The following RFXAP variants were observed in gnomAD, a reference collection of about 807,000 sequenced individuals.
RFXAP encodes regulatory factor X associated protein, also known as regulatory factor X-associated protein.
RFXAP carries 21 observed loss-of-function variants against 25.7 expected under a neutral mutation model. The ratio of observed to expected loss-of-function variants is 0.82; its 90% CI spans 0.58 to 1.18. The LOEUF is 1.18. Among genes scored for constraint, RFXAP ranks in the 50% most tolerant of loss-of-function variants. The pLI, the probability that RFXAP is intolerant of heterozygous loss-of-function variation, is 0.00. For missense variants in RFXAP, 333 were observed against 363.0 expected (o/e 0.92, Z 0.67); for synonymous variants, 161 against 152.2 (o/e 1.06, Z -0.43).
Position 36,828,018 on chromosome 13 carries a change from C to T in RFXAP, c.*265C>T. ...TTTAAAAAATATATTCCTCTTCAGTCATTGTTACTGAAGGTAATGAAGCAG... is the reference window on the plus strand; with the variant it reads ...TTTAAAAAATATATTCCTCTTCAGTTATTGTTACTGAAGGTAATGAAGCAG... On this transcript the variant is annotated 3_prime_UTR_variant, in exon 3 of 3. Coordinates refer to ENST00000255476, the MANE Select transcript of RFXAP (RefSeq NM_000538.4). 1 of 389,142 alleles carries T rather than the reference C, an allele frequency of 2.6e-6. No homozygotes were observed. Among genetic ancestry groups the T allele is most frequent in the Non-Finnish European group, 4.7e-6 (1 of 214,378 alleles). 24.1% of individuals were successfully genotyped at this position (389,142 alleles called of 1,614,324 possible). A position where few individuals can be genotyped will look rare whatever the true frequency, so the allele number is the denominator to read the frequency against.
Position 36,828,874 on chromosome 13 carries a change from C to A in RFXAP, c.*1121C>A, listed in dbSNP as rs2057986714. The A allele has an allele frequency of 6.6e-6, 1 of 152,082 alleles. No homozygotes were observed. Among genetic ancestry groups the A allele is most frequent in the Admixed American group, 6.6e-5 (1 of 15,260 alleles). 9.4% of individuals were successfully genotyped at this position (152,082 alleles called of 1,614,324 possible). ...CAAATTAAATGTCAAGAGAGTATATCCAATATTAGGATATAAATGTATGTG... is the reference window on the plus strand; with the variant it reads ...CAAATTAAATGTCAAGAGAGTATATACAATATTAGGATATAAATGTATGTG... On this transcript the variant is annotated 3_prime_UTR_variant, in exon 3 of 3. Coordinates refer to ENST00000255476, the MANE Select transcript of RFXAP (RefSeq NM_000538.4).
intron 2 of RFXAP, among the ~76,000 whole-genome samples, chr13:36,826,966 G>A (rs1055414169): frequency 1.4e-4 from 21 of 152,094 alleles, no homozygotes; most frequent in Non-Finnish European, 2.8e-4. Flanking sequence ...ACTCCAGCGT[G>A]GGGAACAGAG....
chr13:36,825,569 G>A (rs759369374), intron 2 of RFXAP, 34 bp downstream of exon 2: 13 of 1,439,536 alleles, frequency 9.0e-6, no homozygotes, highest in Middle Eastern at 1.8e-4. Flanking sequence ...TTATAAATGT[G>A]TTAACAAACG....
intron 1 of RFXAP, among the ~76,000 whole-genome samples, chr13:36,822,356 C>T (rs183722784): frequency 1.2e-4 from 18 of 152,142 alleles, no homozygotes; most frequent in Admixed American, 5.9e-4. Flanking sequence ...GCTGGGATTA[C>T]GGGTGAGACC....
chr13:36,827,090 C>T (rs185815289), intron 2 of RFXAP, among the ~76,000 whole-genome samples: 9 of 152,120 alleles, frequency 5.9e-5, no homozygotes, highest in Admixed American at 3.9e-4. Flanking sequence ...TGTTTTAGAG[C>T]AGTTATATTT....
At position 36,825,427 on chromosome 13, in the gene RFXAP, G is replaced by A; in HGVS notation, c.601-1G>A. 1 of 1,606,752 alleles carries A rather than the reference G, an allele frequency of 6.2e-7. No individual in the cohort carries two copies. The highest frequency in any genetic ancestry group is 8.5e-7 in the Non-Finnish European group (1 of 1,174,326). On this transcript the variant is annotated splice_acceptor_variant, in intron 1 of 2. Coordinates refer to ENST00000255476, the MANE Select transcript of RFXAP (RefSeq NM_000538.4). LOFTEE classifies it high-confidence loss of function. ...ATTTGCATTTTTATCATTTATCCCA[G>A]GAAAGTGCAGATAACATACTCTCCA...
At chr13:36,824,182 G>A (rs1416374636) in intron 1 of RFXAP, among the ~76,000 whole-genome samples, 1 of 152,106 alleles carries the variant, frequency 6.6e-6, no homozygotes, top group African/African-American at 2.4e-5. Flanking sequence ...TTTCCATAGT[G>A]GGGTTGTGAG....
intron 1 of RFXAP, among the ~76,000 whole-genome samples, chr13:36,823,060 T>C (rs1346951713): frequency 2.0e-5 from 3 of 152,158 alleles, no homozygotes; most frequent in Non-Finnish European, 2.9e-5. Context: ...AAGCACTGTG[T>C]TAAGCTATAA....
At chr13:36,820,337 CTCTAT>C (rs2057957911) in intron 1 of RFXAP, among the ~76,000 whole-genome samples, 2 of 152,204 alleles carry the variant, frequency 1.3e-5, no homozygotes. Context: ...GTTTTCACTA[CTCTAT>C]TCTCAGTATC....
In RFXAP at chr13:36,819,306, C is replaced by A; in HGVS notation, c.-52C>A. ...TTTGGTTCGCGAAGTGCCGTTAGGC[C>A]AAGCAGGTGCTAAAAGCCCGGGGTC... is the stretch of plus-strand genomic sequence containing the variant. On this transcript the variant is annotated 5_prime_UTR_variant, in exon 1 of 3. Transcript: ENST00000255476. 8.0e-7 allele frequency: 1 copy of A among 1,244,830 alleles called. No homozygotes were observed. Among genetic ancestry groups the A allele is most frequent in the Non-Finnish European group, 1.0e-6 (1 of 992,058 alleles). 77.1% of individuals were successfully genotyped at this position (1,244,830 alleles called of 1,614,324 possible). A position where few individuals can be genotyped will look rare whatever the true frequency, so the allele number is the denominator to read the frequency against.
rs11539182 is a variant in RFXAP, at chr13:36,819,370, G to A, written c.13G>A (p.Gly5Ser). The change falls in exon 1 of 3, where the codon GGT (glycine) becomes AGT (serine). Residue 5 changes from glycine (G) to serine (S), a missense_variant. Gly to Ser is a moderately conservative substitution (Grantham distance 56, BLOSUM62 0). Transcript: ENST00000255476. The part of the protein sequence containing the change: MEAQ[G>S]VAEGAGPGAA... ...AGGTCTTAGCAGCATGGAGGCGCAGGGTGTAGCGGAGGGCGCGGGGCCGGG... is the reference window on the plus strand; with the variant it reads ...AGGTCTTAGCAGCATGGAGGCGCAGAGTGTAGCGGAGGGCGCGGGGCCGGG... 7.8e-7 allele frequency: 1 copy of A among 1,275,786 alleles called. No individual in the cohort carries two copies. The highest frequency in any genetic ancestry group is 9.9e-7 in the Non-Finnish European group (1 of 1,011,342). The allele number at this position is 1,275,786 out of a possible 1,614,324, so 79.0% of individuals were successfully genotyped here.
intron 2 of RFXAP, 136 bp from the exon 3 acceptor site, chr13:36,827,506 GT>G: frequency 1.6e-6 from 1 of 642,314 alleles, no homozygotes; most frequent in South Asian, 2.1e-5. Context: ...TGCATCCGAT[GT>G]AAAAGTGCTT....
rs2057961670 is a variant in RFXAP, at chr13:36,821,253, CTG to C, written c.600+1297_600+1298del. On this transcript the variant is annotated intron_variant, in intron 1 of 2. Transcript: ENST00000255476. ...AAAAAAAAAAAAAAATTTTTTTTAA[CTG>C]CAAGCTGTCTTAGGGTCCTAGGATG... is the stretch of plus-strand genomic sequence containing the variant. 5.4e-5 allele frequency among the ~76,000 whole-genome samples: 8 copies of C among 147,332 alleles called. No homozygotes were observed. In the Admixed American group the frequency reaches 5.4e-4, roughly 10 times the overall value.
intron 1 of RFXAP, among the ~76,000 whole-genome samples, chr13:36,824,285 G>A (rs111517089): frequency 0.017 from 2,616 of 152,144 alleles, 26 homozygotes; most frequent in Middle Eastern, 0.034. Context: ...CAACTTGGGG[G>A]TTGCTGGAGG....
intron 1 of RFXAP, among the ~76,000 whole-genome samples, chr13:36,823,147 A>G (rs2057968418): frequency 6.6e-6 from 1 of 152,234 alleles, no homozygotes; most frequent in South Asian, 2.1e-4. Context: ...CAGAGAGGCT[A>G]AAGAATTTGG....
At chr13:36,820,156 A>G (rs555315461) in intron 1 of RFXAP, among the ~76,000 whole-genome samples, 199 bp downstream of exon 1, 2 of 152,314 alleles carry the variant, frequency 1.3e-5, no homozygotes, top group South Asian at 4.1e-4. Flanking sequence ...GTTCTGTTGA[A>G]CTCATGATAG....
At chr13:36,826,381 TAAAC>T (rs1156454782) in intron 2 of RFXAP, among the ~76,000 whole-genome samples, 4 of 152,076 alleles carry the variant, frequency 2.6e-5, no homozygotes, top group Non-Finnish European at 4.4e-5. Context: ...TCAGTAAAAA[TAAAC>T]AAAAAGTGAA....
At chr13:36,823,534 T>C (rs1419676083) in intron 1 of RFXAP, among the ~76,000 whole-genome samples, 1 of 152,168 alleles carries the variant, frequency 6.6e-6, no homozygotes, top group African/African-American at 2.4e-5. Flanking sequence ...TGAGAGCCTA[T>C]AGATTTTGAG....
intron 1 of RFXAP, 66 bp downstream of exon 1, chr13:36,820,023 G>C: frequency 6.3e-6 from 10 of 1,577,698 alleles, no homozygotes; most frequent in Non-Finnish European, 8.6e-6. Context: ...AACGCAAACC[G>C]CATCTGCAGG....
Sources: gnomAD v4.1 joint callset for allele counts (sites outside exome capture counted in the v4.1 genomes callset) on GRCh38, gnomAD v4.1.1 for gene constraint, MANE v1.5 for transcripts, NCBI Gene and HGNC (gene_info 2026-07-23, HGNC 2026-07-21) for gene names.